Variants in SFXN5 observed in about 807,000 individuals in gnomAD.
SFXN5 encodes the protein sideroflexin-5.
A neutral mutation model predicts 50.2 loss-of-function variants in SFXN5; 43 were observed. The observed-to-expected ratio is 0.86, with a 90% CI of 0.67 to 1.11. The LOEUF is 1.11. Ranked by LOEUF, SFXN5 falls within the 50% of genes least tolerant of loss-of-function variation. The probability of loss-of-function intolerance (pLI) is 0.00; values close to 1 mark genes in which losing one functional copy is unlikely to be tolerated. For synonymous variants in SFXN5, 203 were observed against 185.8 expected (o/e 1.09, Z -0.75); for missense variants, 463 against 454.1 (o/e 1.02, Z -0.18).
rs1479830607 is a variant in SFXN5 at position 72,950,949 on chromosome 2, C to T, written c.946-5850G>A. 2.0e-5 allele frequency among the ~76,000 whole-genome samples: 3 copies of T among 152,172 alleles called. No individual in the cohort carries two copies. The stretch of plus-strand genomic sequence containing the variant: ...GGGTGGCCCAGGCCCAGGCAGCCAG[C>T]TCGGGGCGGGCTGGAATCCGTGGGC... On this transcript the variant is annotated intron_variant, in intron 13 of 13. Coordinates refer to ENST00000272433, the MANE Select transcript of SFXN5 (RefSeq NM_144579.3). This position sits in a 1 kb window ranked among gnomAD's most constrained non-coding sequence, Gnocchi z 4.2.
At chr2:73,059,361 G>A (rs999372537) in intron 1 of SFXN5, 13 of 985,264 alleles carry the variant, frequency 1.3e-5, no homozygotes, top group Admixed American at 6.1e-5. Context: ...AGCTGCAATC[G>A]CTGGGGTTCA....
chr2:73,025,740 T>C (rs1452786164), intron 3 of SFXN5, among the ~76,000 whole-genome samples: 1 of 152,152 alleles, frequency 6.6e-6, no homozygotes, highest in African/African-American at 2.4e-5. Flanking sequence ...TCAGCCCAAC[T>C]AGAGCTCCAG....
intron 13 of SFXN5, among the ~76,000 whole-genome samples, chr2:72,946,514 C>A (rs1186621179): frequency 6.6e-6 from 1 of 152,162 alleles, no homozygotes; most frequent in Non-Finnish European, 1.5e-5. Context: ...TACCCCCACA[C>A]AAGATTTCTG....
chr2:73,013,759 A>G (rs928514342), intron 6 of SFXN5, among the ~76,000 whole-genome samples: 2 of 152,100 alleles, frequency 1.3e-5, no homozygotes, highest in African/African-American at 4.8e-5. Context: ...GCATCCATAT[A>G]TGTCCAATCT....
In SFXN5 at chr2:73,029,994, C is replaced by A. The variant is rs573392408; in HGVS notation, c.250-6780G>T. Among the ~76,000 whole-genome samples the A allele has an allele frequency of 2.6e-5, 4 of 152,244 alleles. No individual in the cohort carries two copies. In the South Asian group the frequency reaches 8.3e-4, roughly 32 times the overall value. On this transcript the variant is annotated intron_variant, in intron 3 of 13. Coordinates refer to ENST00000272433, the MANE Select transcript of SFXN5 (RefSeq NM_144579.3). ...GGCTGAGGAAGGAGAATCGCCTGAG[C>A]CCAGGAAGCAGAGGCTGCAGTGAGC...
intron 3 of SFXN5, among the ~76,000 whole-genome samples, chr2:73,032,627 CCA>C (rs1253177640): frequency 1.3e-5 from 2 of 152,194 alleles, no homozygotes; most frequent in Non-Finnish European, 2.9e-5. Flanking sequence ...CCCCCAACAC[CCA>C]GAGGGAGGAG....
At chr2:73,060,327 C>G (rs142734284) in intron 1 of SFXN5, among the ~76,000 whole-genome samples, 107 of 152,132 alleles carry the variant, frequency 7.0e-4, no homozygotes, top group African/African-American at 2.4e-3. Context: ...TGTGATACCC[C>G]GAGAAGTCCA....
rs78962408 is a variant in SFXN5, at chr2:73,071,051, C to T, written c.102+553G>A. The T allele has an allele frequency of 6.2e-3, 951 of 152,942 alleles. 14 individuals carry two copies. Among genetic ancestry groups the T allele is most frequent in the African/African-American group, 0.02 (819 of 41,576 alleles). The allele number at this position is 152,942 out of a possible 1,614,324, so 9.5% of individuals were successfully genotyped here. The stretch of plus-strand genomic sequence containing the variant: ...GGACCGCCGCTCGCCTCGGCACTCG[C>T]CCCCTCAACCTGCTGCGCGCGCCGA... On this transcript the variant is annotated intron_variant, in intron 1 of 13. Transcript: ENST00000272433.
chr2:73,008,269 G>A (rs571846841), intron 6 of SFXN5, among the ~76,000 whole-genome samples: 33 of 152,324 alleles, frequency 2.2e-4, no homozygotes, highest in African/African-American at 7.9e-4. Context: ...CCAATAACTA[G>A]GTGTTCATGG....
Position 72,961,030 on chromosome 2 carries a change from C to T in SFXN5, c.945+101G>A, listed in dbSNP as rs148535973. On this transcript the variant is annotated intron_variant, in intron 13 of 13. Coordinates refer to ENST00000272433, the MANE Select transcript of SFXN5 (RefSeq NM_144579.3). The surrounding 1 kb of genome is among the most constrained non-coding windows in gnomAD (Gnocchi z 4.4). ...TCATTCACGGTTCCAGCCCCAGCGC[C>T]TAGCATGGCGCTAAGGAGTCGGCAC... 2.4e-3 allele frequency: 2,021 copies of T among 845,590 alleles called. 6 individuals carry two copies. The highest frequency in any genetic ancestry group is 2.5e-3 in the Non-Finnish European group (1,448 of 586,230). The allele number at this position is 845,590 out of a possible 1,614,324, so 52.4% of individuals were successfully genotyped here.
Position 72,953,114 on chromosome 2 carries a change from C to T in SFXN5, c.946-8015G>A, listed in dbSNP as rs755540333. On this transcript the variant is annotated intron_variant, in intron 13 of 13. Coordinates refer to ENST00000272433, the MANE Select transcript of SFXN5 (RefSeq NM_144579.3). This position sits in a 1 kb window ranked among gnomAD's most constrained non-coding sequence, Gnocchi z 4.1. ...GTGTATGTGTGCGAGCCTGTGTGCA[C>T]GCGCAGGTTTGGGGTGGGGGTGTGG... is the stretch of plus-strand genomic sequence containing the variant. Among the ~76,000 whole-genome samples, 2 of 152,126 alleles carry T rather than the reference C, an allele frequency of 1.3e-5. No homozygotes were observed. The highest frequency in any genetic ancestry group is 2.4e-5 in the African/African-American group (1 of 41,440).
At chr2:73,038,224 A>C (rs1679205128) in intron 3 of SFXN5, among the ~76,000 whole-genome samples, 1 of 152,262 alleles carries the variant, frequency 6.6e-6, no homozygotes, top group African/African-American at 2.4e-5. Flanking sequence ...TATATAGGCA[A>C]CTATAACACA....
Position 73,024,004 on chromosome 2 carries a change from G to A in SFXN5, c.250-790C>T, listed in dbSNP as rs538326945. On this transcript the variant is annotated intron_variant, in intron 3 of 13. Coordinates refer to ENST00000272433, the MANE Select transcript of SFXN5 (RefSeq NM_144579.3). ...AGATATACTATCATGTGCCGCATAC[G>A]AAAGAAAACTATGACTGTAATACCA... is the stretch of plus-strand genomic sequence containing the variant. Among the ~76,000 whole-genome samples the A allele has an allele frequency of 7.2e-5, 11 of 152,032 alleles. No individual in the cohort carries two copies. In the East Asian group the frequency reaches 7.7e-4, roughly 11 times the overall value.
intron 6 of SFXN5, among the ~76,000 whole-genome samples, chr2:73,005,379 A>G (rs1237194880): frequency 1.3e-5 from 2 of 152,178 alleles, no homozygotes; most frequent in African/African-American, 4.8e-5. Flanking sequence ...ATTAACGCTC[A>G]GGCTCTGGTT....
Position 72,961,397 on chromosome 2 carries a change from T to C in SFXN5, c.828-149A>G, listed in dbSNP as rs900124945. ...GTGCAGCTAAACAGATATAGCAGAG[T>C]TCTGTCTTTGGGACCTTTTCCCGAT... On this transcript the variant is annotated intron_variant, in intron 12 of 13. Transcript: ENST00000272433. This position sits in a 1 kb window ranked among gnomAD's most constrained non-coding sequence, Gnocchi z 4.4. 5.8e-6 allele frequency: 3 copies of C among 521,216 alleles called. No individual in the cohort carries two copies. The highest frequency in any genetic ancestry group is 9.9e-6 in the Non-Finnish European group (3 of 302,262). 32.3% of individuals were successfully genotyped at this position (521,216 alleles called of 1,614,324 possible).
chr2:72,988,173 G>A, intron 10 of SFXN5, 85 bp downstream of exon 10: 1 of 1,283,086 alleles, frequency 7.8e-7, no homozygotes, highest in African/African-American at 1.5e-5. Flanking sequence ...CAGGAGAGGT[G>A]TGGAAGGGTC....
intron 6 of SFXN5, among the ~76,000 whole-genome samples, chr2:73,018,104 A>G (rs568044085): frequency 3.9e-4 from 60 of 152,254 alleles, no homozygotes; most frequent in Admixed American, 1.1e-3. Context: ...GCTACTCGGG[A>G]GGCTGAGGCA....
At chr2:73,005,123 G>A (rs574954049) in intron 6 of SFXN5, among the ~76,000 whole-genome samples, 8 of 152,304 alleles carry the variant, frequency 5.3e-5, no homozygotes, top group Admixed American at 2.6e-4. Flanking sequence ...AATGTGGCTG[G>A]TACCAAGGAA....
chr2:73,023,099 A>AG, intron 4 of SFXN5, 89 bp downstream of exon 4: 7 of 1,341,892 alleles, frequency 5.2e-6, no homozygotes, highest in African/African-American at 1.5e-5. Flanking sequence ...GAGCCACCGG[A>AG]GGGGGGCTTC....
Sources: gnomAD v4.1 joint callset for allele counts (sites outside exome capture counted in the v4.1 genomes callset) on GRCh38, gnomAD v4.1.1 for gene constraint, Gnocchi (gnomAD v3.1) non-coding constraint, MANE v1.5 for transcripts, NCBI Gene and HGNC (gene_info 2026-07-23, HGNC 2026-07-21) for gene names.